The following SAMMSON variants were observed in gnomAD, a reference collection of about 807,000 sequenced individuals.
SAMMSON encodes survival associated mitochondrial melanoma specific oncogenic non-coding RNA.
chr3:70,108,423 C>CTTTTTTTTTT lies in SAMMSON; in HGVS notation n.507+36867_507+36876dup, dbSNP rs61561713. Among the ~76,000 whole-genome samples the CTTTTTTTTTT allele has an allele frequency of 1.8e-3, 159 of 89,328 alleles. 19 individuals carry two copies. Among genetic ancestry groups the CTTTTTTTTTT allele is most frequent in the Non-Finnish European group, 2.1e-3 (95 of 45,210 alleles). 58.6% of individuals were successfully genotyped at this position (89,328 alleles called of 152,430 possible). On this transcript the variant is annotated intron_variant and non_coding_transcript_variant, in intron 4 of 9. Coordinates refer to ENST00000642114, the Ensembl canonical transcript of SAMMSON. ...TAGTGTTTCTCAACTCTTGCGGTTC[C>CTTTTTTTTTT]TTTTTTTTTTTTTTTTTTATCATAA...
At chr3:70,350,656 C>G (rs973969003) in intron 7 of SAMMSON, among the ~76,000 whole-genome samples, 3 of 152,032 alleles carry the variant, frequency 2.0e-5, no homozygotes, top group Non-Finnish European at 1.5e-5. Flanking sequence ...CATTCAAATT[C>G]TAAGTTCCTT....
intron 4 of SAMMSON, among the ~76,000 whole-genome samples, chr3:70,085,135 G>A: frequency 6.6e-6 from 1 of 152,178 alleles, no homozygotes; most frequent in East Asian, 1.9e-4. Flanking sequence ...AAACTGTAGA[G>A]TGGGCACCTT....
At chr3:70,386,509 G>A (rs1426787400) in intron 9 of SAMMSON, among the ~76,000 whole-genome samples, 1 of 152,124 alleles carries the variant, frequency 6.6e-6, no homozygotes, top group African/African-American at 2.4e-5. Context: ...CAATGAATTA[G>A]AGACTGCATA....
chr3:70,267,509 T>C (rs1317932487), intron 6 of SAMMSON, among the ~76,000 whole-genome samples: 1 of 148,342 alleles, frequency 6.7e-6, no homozygotes, highest in Non-Finnish European at 1.5e-5. Context: ...CTCACGCCCT[T>C]CTCCTGCCTC....
intron 4 of SAMMSON, among the ~76,000 whole-genome samples, chr3:70,115,188 T>C (rs2067405390): frequency 7.2e-6 from 1 of 139,692 alleles, no homozygotes. Context: ...ATGAGGTAGC[T>C]ATTATTATTA....
Position 70,415,010 on chromosome 3 carries a change from A to C in SAMMSON, n.234-47550A>C, listed in dbSNP as rs576249786. ...AAAAAAGATCCATGCATATAGAGAAAAGCTGAAAAGAATTGGAAAGAGGGA... is the reference window on the plus strand; with the variant it reads ...AAAAAAGATCCATGCATATAGAGAACAGCTGAAAAGAATTGGAAAGAGGGA... On this transcript the variant is annotated intron_variant and non_coding_transcript_variant, in intron 2 of 3. Transcript: ENST00000641053. Among the ~76,000 whole-genome samples, 120 of 152,182 alleles carry C rather than the reference A, an allele frequency of 7.9e-4. 1 individual carries two copies. The Middle Eastern group carries it at 0.01, about 13-fold the overall frequency.
At chr3:70,164,724 G>A (rs1400569116) in intron 4 of SAMMSON, among the ~76,000 whole-genome samples, 2 of 151,894 alleles carry the variant, frequency 1.3e-5, no homozygotes, top group African/African-American at 4.8e-5. Context: ...AAAATCCAGA[G>A]GATAATAATA....
intron 4 of SAMMSON, among the ~76,000 whole-genome samples, chr3:70,168,108 G>C (rs1366166176): frequency 6.6e-6 from 1 of 151,954 alleles, no homozygotes; most frequent in Non-Finnish European, 1.5e-5. Flanking sequence ...ACAAAGAGTG[G>C]TTCTCCTCCA....
chr3:70,171,010 A>G (rs1048483611), intron 4 of SAMMSON, among the ~76,000 whole-genome samples: 1 of 151,884 alleles, frequency 6.6e-6, no homozygotes, highest in African/African-American at 2.4e-5. Context: ...TTCTAGAAAC[A>G]TATGGACTCA....
chr3:70,238,180 C>T (rs1041276644), intron 4 of SAMMSON, among the ~76,000 whole-genome samples: 1 of 151,590 alleles, frequency 6.6e-6, no homozygotes, highest in Admixed American at 6.6e-5. Context: ...TTGTGAGACT[C>T]GCATAGCACC....
chr3:70,417,151 C>A (rs977956062), intron 2 of SAMMSON, among the ~76,000 whole-genome samples: 1 of 152,130 alleles, frequency 6.6e-6, no homozygotes, highest in African/African-American at 2.4e-5. Flanking sequence ...TAAAACCCAA[C>A]ACGCTTTCCT....
At chr3:70,289,128 T>C (rs1702200232) in intron 6 of SAMMSON, among the ~76,000 whole-genome samples, 1 of 151,840 alleles carries the variant, frequency 6.6e-6, no homozygotes, top group South Asian at 2.1e-4. Flanking sequence ...ATTTTGCTCG[T>C]TAGTTGATGC....
chr3:70,419,930 G>C (rs1701298048), intron 2 of SAMMSON, among the ~76,000 whole-genome samples: 1 of 152,130 alleles, frequency 6.6e-6, no homozygotes, highest in African/African-American at 2.4e-5. Context: ...GAGCCACCAC[G>C]CCCAGCAAAA....
intron 7 of SAMMSON, among the ~76,000 whole-genome samples, chr3:70,319,239 G>T (rs926601817): frequency 6.6e-6 from 1 of 152,046 alleles, no homozygotes; most frequent in Non-Finnish European, 1.5e-5. Flanking sequence ...CAGCAAGTCT[G>T]CCACTAAATT....
chr3:70,390,720 G>A (rs574800143), downstream of SAMMSON, among the ~76,000 whole-genome samples: 11 of 152,094 alleles, frequency 7.2e-5, no homozygotes, highest in African/African-American at 2.7e-4. Flanking sequence ...TCAGGGCTTA[G>A]GATTCAACAT....
intron 9 of SAMMSON, among the ~76,000 whole-genome samples, chr3:70,384,149 G>C (rs1222053407): frequency 6.6e-6 from 1 of 152,076 alleles, no homozygotes; most frequent in Non-Finnish European, 1.5e-5. Context: ...GTCACACTGA[G>C]TCTCAAACAT....
At chr3:70,079,554 A>G (rs2067260516) in intron 4 of SAMMSON, among the ~76,000 whole-genome samples, 1 of 152,202 alleles carries the variant, frequency 6.6e-6, no homozygotes, top group South Asian at 2.1e-4. Context: ...ACAGTAGTCA[A>G]TAAACTAAAT....
chr3:70,097,969 A>G (rs569876995), intron 4 of SAMMSON, among the ~76,000 whole-genome samples: 2 of 152,356 alleles, frequency 1.3e-5, no homozygotes, highest in East Asian at 1.9e-4. Flanking sequence ...TTCTCACCAC[A>G]TAATAAATAG....
intron 6 of SAMMSON, among the ~76,000 whole-genome samples, chr3:70,258,508 A>C (rs1372652369): frequency 6.6e-6 from 1 of 152,154 alleles, no homozygotes; most frequent in African/African-American, 2.4e-5. Flanking sequence ...TTTCTAGACT[A>C]TCCAGTCACA....
Sources: allele counts gnomAD v4.1 joint callset (sites outside exome capture counted in the v4.1 genomes callset), GRCh38; gene constraint gnomAD v4.1.1; transcripts MANE v1.5; gene names NCBI Gene and HGNC (gene_info 2026-07-23, HGNC 2026-07-21).